The following RPP14 variants were observed in gnomAD, a reference collection of about 807,000 sequenced individuals.
RPP14 encodes ribonuclease P protein subunit p14.
RPP14 carries 19 observed loss-of-function variants against 17.8 expected under a neutral mutation model. The observed-to-expected ratio is 1.07, with a 90% CI of 0.74 to 1.57. The LOEUF (loss-of-function observed/expected upper bound fraction) is 1.57. RPP14 is among the 40% of genes most tolerant of loss of function. RPP14 has a pLI of 0.00. For synonymous variants in RPP14, 60 were observed against 56.4 expected (o/e 1.06, Z -0.29); for missense variants, 125 against 140.8 (o/e 0.89, Z 0.57).
chr3:58,312,334 A>ACCCCG (rs1553724611), intron 3 of RPP14, among the ~76,000 whole-genome samples: 1 of 69,662 alleles, frequency 1.4e-5, no homozygotes, highest in African/African-American at 5.3e-5. Flanking sequence ...CAACCTCCGC[A>ACCCCG]CCCCCCCCCG....
chr3:58,307,569 T>TA (rs58431698), intron 1 of RPP14, among the ~76,000 whole-genome samples: 6,956 of 152,078 alleles, frequency 0.046, 559 homozygotes, highest in African/African-American at 0.16. Flanking sequence ...GTACTAAAAA[T>TA]ACAAAAGTTA....
intron 3 of RPP14, among the ~76,000 whole-genome samples, chr3:58,314,963 G>T (rs887218940): frequency 5.3e-5 from 8 of 152,086 alleles, no homozygotes; most frequent in Admixed American, 1.3e-4. Flanking sequence ...GGGATTACAG[G>T]TGTGAGCCAC....
chr3:58,317,899 C>G lies in RPP14; in HGVS notation c.*403C>G. ...GATCAACGGACTTATCTCAGCTCTC[C>G]TAGGAACTAAAATGCCAGGGCCAGG... On this transcript the variant is annotated 3_prime_UTR_variant, in exon 6 of 6. Coordinates refer to ENST00000295959, the MANE Select transcript of RPP14 (RefSeq NM_007042.6). 1 of 702,926 alleles carries G rather than the reference C, an allele frequency of 1.4e-6. No individual in the cohort carries two copies. The highest frequency in any genetic ancestry group is 2.6e-6 in the Non-Finnish European group (1 of 384,946). 43.5% of individuals were successfully genotyped at this position (702,926 alleles called of 1,614,324 possible). A position where few individuals can be genotyped will look rare whatever the true frequency, so the allele number is the denominator to read the frequency against.
rs749345587 is a variant in RPP14, at chr3:58,310,292, C to T, written c.-21-17C>T. Reference sequence around the variant, plus strand: ...GCATGTGCATTGGTCATTTCTAGCCCTCTTGACTTACTGTAGGTGTGATCA... The same window carrying T: ...GCATGTGCATTGGTCATTTCTAGCCTTCTTGACTTACTGTAGGTGTGATCA... On this transcript the variant is annotated splice_polypyrimidine_tract_variant and intron_variant, in intron 1 of 5. Transcript: ENST00000295959. 4.4e-6 allele frequency: 7 copies of T among 1,584,344 alleles called. No individual in the cohort carries two copies. The East Asian group carries it at 1.6e-4, about 35-fold the overall frequency.
intron 3 of RPP14, among the ~76,000 whole-genome samples, chr3:58,311,136 TTTGTTGTTGTTGTTG>T (rs144147590): frequency 4.0e-5 from 6 of 150,108 alleles, no homozygotes; most frequent in Non-Finnish European, 8.9e-5. Flanking sequence ...AAATCTACTT[TTTGTTGTTGTTGTTG>T]TTGTTGTTGT....
chr3:58,312,145 C>T (rs1305688675), intron 3 of RPP14, among the ~76,000 whole-genome samples: 3 of 152,222 alleles, frequency 2.0e-5, no homozygotes, highest in Non-Finnish European at 4.4e-5. Context: ...TGAGCCACTG[C>T]ACCTGACCTA....
chr3:58,310,116 C>T, intron 1 of RPP14, 193 bp from the exon 2 acceptor site: 2 of 556,486 alleles, frequency 3.6e-6, no homozygotes, highest in South Asian at 4.4e-5. Flanking sequence ...AGGAGGATCA[C>T]CTGAGCCTCG....
At position 58,319,424 on chromosome 3, in the gene RPP14, T is replaced by C. The variant is rs1575550260; in HGVS notation, c.*1928T>C. 1 of 152,314 alleles carries C rather than the reference T, an allele frequency of 6.6e-6. No individual in the cohort carries two copies. The highest frequency in any genetic ancestry group is 1.9e-4 in the East Asian group (1 of 5,186). The allele number at this position is 152,314 out of a possible 1,614,324, so 9.4% of individuals were successfully genotyped here. ...AGCCTGTCAGCAGTAGCTACTATTATTGTTGCCCATTTCCCCTGCAACTGA... is the reference window on the plus strand; with the variant it reads ...AGCCTGTCAGCAGTAGCTACTATTACTGTTGCCCATTTCCCCTGCAACTGA... On this transcript the variant is annotated 3_prime_UTR_variant, in exon 6 of 6. Transcript: ENST00000295959.
At chr3:58,306,754 G>A (rs1245929894) in intron 1 of RPP14, 1 of 152,286 alleles carries the variant, frequency 6.6e-6, no homozygotes, top group Non-Finnish European at 1.5e-5. Context: ...TCCAAAAATT[G>A]TACGTCGCAC....
At chr3:58,314,675 A>ATTTTTTTTTTTTTTTTT (rs751757663) in intron 3 of RPP14, among the ~76,000 whole-genome samples, 7 of 90,562 alleles carry the variant, frequency 7.7e-5, no homozygotes, top group Non-Finnish European at 5.8e-5. Context: ...GTTTGGCAGT[A>ATTTTTTTTTTTTTTTTT]TTTTTTTTTT....
chr3:58,307,824 G>T (rs9857333), intron 1 of RPP14: 1 of 151,230 alleles, frequency 6.6e-6, no homozygotes, highest in Non-Finnish European at 1.5e-5. Flanking sequence ...CTCCTTTAAT[G>T]TCAGAACAGC....
Position 58,309,203 on chromosome 3 carries a change from C to G in RPP14, c.-21-1106C>G, listed in dbSNP as rs1006082653. ...TGAGAGTAAACAAGAAGAGGACCTT[C>G]AAATCTTAGATTTTACTCCTTTATG... On this transcript the variant is annotated intron_variant, in intron 1 of 5. Transcript: ENST00000295959. Among the ~76,000 whole-genome samples, 5 of 152,188 alleles carry G rather than the reference C, an allele frequency of 3.3e-5. No individual in the cohort carries two copies. The East Asian group carries it at 9.6e-4, about 29-fold the overall frequency.
In RPP14 at chr3:58,312,980, A is replaced by AT. The variant is rs1376152832; in HGVS notation, c.162+2389_162+2390insT. ...TGTCTCAAAAAAAAAAAAAAAAAAA[A>AT]GGGCTGGGCACGGTAGCTCACGCCT... On this transcript the variant is annotated intron_variant, in intron 3 of 5. Transcript: ENST00000295959. Among the ~76,000 whole-genome samples, 273 of 135,790 alleles carry AT rather than the reference A, an allele frequency of 2.0e-3. 4 individuals carry two copies. The highest frequency in any genetic ancestry group is 7.1e-3 in the African/African-American group (264 of 37,370). 89.1% of individuals were successfully genotyped at this position (135,790 alleles called of 152,430 possible).
chr3:58,306,641 C>T (rs548075297), intron 1 of RPP14: 6 of 151,960 alleles, frequency 3.9e-5, no homozygotes, highest in African/African-American at 7.3e-5. Flanking sequence ...TCTCCATGCG[C>T]CCGGCGCGAG....
intron 1 of RPP14, among the ~76,000 whole-genome samples, chr3:58,309,726 C>T (rs2097480004): frequency 6.6e-6 from 1 of 152,026 alleles, no homozygotes; most frequent in Admixed American, 6.6e-5. Flanking sequence ...CCTGTCTCTA[C>T]TAAAAATACA....
chr3:58,317,271 G>A (rs61358678), intron 5 of RPP14, among the ~76,000 whole-genome samples, 169 bp from the exon 6 acceptor site: 6,966 of 152,102 alleles, frequency 0.046, 558 homozygotes, highest in African/African-American at 0.16. Flanking sequence ...ATATTGGTAC[G>A]CTCTTTTTGA....
In RPP14 at chr3:58,319,806, T is replaced by A. The variant is rs1224487854; in HGVS notation, c.*2310T>A. ...ACTTTTGTTTCCCATTTTTTTTTGT[T>A]TCCCGTTTTTTAATAAAATTGAGAT... is the stretch of plus-strand genomic sequence containing the variant. On this transcript the variant is annotated 3_prime_UTR_variant, in exon 6 of 6. Coordinates refer to ENST00000295959, the MANE Select transcript of RPP14 (RefSeq NM_007042.6). The A allele has an allele frequency of 2.0e-5, 3 of 152,170 alleles. No homozygotes were observed. Among genetic ancestry groups the A allele is most frequent in the East Asian group, 1.9e-4 (1 of 5,200 alleles). The allele number at this position is 152,170 out of a possible 1,614,324, so 9.4% of individuals were successfully genotyped here.
rs2097480447 is a variant in RPP14, at chr3:58,310,089, A to C, written c.-21-220A>C. 3 of 518,030 alleles carry C rather than the reference A, an allele frequency of 5.8e-6. No individual in the cohort carries two copies. In the East Asian group the frequency reaches 9.7e-5, roughly 17 times the overall value. 32.1% of individuals were successfully genotyped at this position (518,030 alleles called of 1,614,324 possible). On this transcript the variant is annotated intron_variant, in intron 1 of 5. Transcript: ENST00000295959. ...GTGGCACGTGCCTATACTCCCAGCT[A>C]CTCAGGAGTCTGAGGCAGGAGGATC...
At chr3:58,312,664 G>C (rs2097483575) in intron 3 of RPP14, among the ~76,000 whole-genome samples, 1 of 152,028 alleles carries the variant, frequency 6.6e-6, no homozygotes, top group Non-Finnish European at 1.5e-5. Context: ...CTTTTAATGA[G>C]AAAGTCTCCT....
Sources: allele counts gnomAD v4.1 joint callset (sites outside exome capture counted in the v4.1 genomes callset), GRCh38; gene constraint gnomAD v4.1.1; transcripts MANE v1.5; gene names NCBI Gene and HGNC (gene_info 2026-07-23, HGNC 2026-07-21).